Variants in MAGI1 observed in about 807,000 individuals in gnomAD.
The protein encoded by MAGI1 is membrane associated guanylate kinase, WW and PDZ domain containing 1, also known as membrane-associated guanylate kinase, WW and PDZ domain-containing protein 1.
In MAGI1, 58 loss-of-function variants were observed where a neutral mutation model predicts 139.9. The ratio of observed to expected loss-of-function variants is 0.41; its 90% confidence interval spans 0.34 to 0.52. The LOEUF (loss-of-function observed/expected upper bound fraction) is 0.52, where lower values mean the gene tolerates loss of function less well. Among genes scored for constraint, MAGI1 ranks in the 20% least tolerant of loss-of-function variants. The probability of loss-of-function intolerance (pLI) is 0.12; values close to 1 mark genes in which losing one functional copy is unlikely to be tolerated. For synonymous variants in MAGI1, 812 were observed against 737.9 expected, an observed-to-expected ratio of 1.10 and a Z score of -1.63; for missense variants, 1,874 against 1,901.6, an observed-to-expected ratio of 0.99 and a Z score of 0.27.
At chr3:65,573,130 T>A (rs553407367) in intron 2 of MAGI1, among the ~76,000 whole-genome samples, 1 of 152,220 alleles carries the variant, frequency 6.6e-6, no homozygotes, top group Non-Finnish European at 1.5e-5. Flanking sequence ...CACAAAACTA[T>A]AAACATATAG....
chr3:65,844,091 G>A, intron 1 of MAGI1: 1 of 498,500 alleles, frequency 2.0e-6, no homozygotes. Flanking sequence ...CAGTGGAGTT[G>A]GTAGGTGTGT....
Position 65,742,201 on chromosome 3 carries a change from C to A in MAGI1, c.314-120113G>T, listed in dbSNP as rs561323845. On this transcript the variant is annotated intron_variant, in intron 1 of 22. Transcript: ENST00000402939. ...TGTTGCATATCAATAACAAAAACAACAGCAACAGCAGGCCTTACTTTGGAG... is the reference window on the plus strand; with the variant it reads ...TGTTGCATATCAATAACAAAAACAAAAGCAACAGCAGGCCTTACTTTGGAG... 3.3e-5 allele frequency among the ~76,000 whole-genome samples: 5 copies of A among 152,276 alleles called. No homozygotes were observed. The East Asian group carries it at 9.6e-4, about 29-fold the overall frequency.
intron 1 of MAGI1, among the ~76,000 whole-genome samples, chr3:65,668,569 T>TC (rs2086666458): frequency 7.1e-6 from 1 of 140,236 alleles, no homozygotes; most frequent in African/African-American, 2.7e-5. Flanking sequence ...TTTCTTTTTT[T>TC]TTTTTTTTTT....
At chr3:65,926,643 C>G (rs979788448) in intron 1 of MAGI1, among the ~76,000 whole-genome samples, 1 of 152,174 alleles carries the variant, frequency 6.6e-6, no homozygotes, top group Non-Finnish European at 1.5e-5. Context: ...CACTGCTACA[C>G]TCCCACCAGT....
intron 1 of MAGI1, among the ~76,000 whole-genome samples, chr3:65,715,195 A>C (rs1241458132): frequency 2.0e-5 from 3 of 152,224 alleles, no homozygotes; most frequent in Non-Finnish European, 4.4e-5. Flanking sequence ...CATTTTCTCA[A>C]GGGTATATCA....
chr3:65,758,192 T>C (rs1164298572), intron 1 of MAGI1, among the ~76,000 whole-genome samples: 2 of 152,100 alleles, frequency 1.3e-5, no homozygotes, highest in Admixed American at 6.5e-5. Flanking sequence ...AAAGACCCCC[T>C]AGAATGGAGC....
chr3:65,651,040 T>C (rs1250931235), intron 1 of MAGI1, among the ~76,000 whole-genome samples: 7 of 152,148 alleles, frequency 4.6e-5, no homozygotes, highest in Admixed American at 2.0e-4. Context: ...GGTGAAGGGA[T>C]TGTAACTCCC....
intron 3 of MAGI1, among the ~76,000 whole-genome samples, chr3:65,479,088 T>G (rs1951080526): frequency 6.6e-6 from 1 of 152,180 alleles, no homozygotes; most frequent in Non-Finnish European, 1.5e-5. Flanking sequence ...CTCATTACAT[T>G]TGAATATCAA....
At chr3:65,752,521 G>A (rs1007270982) in intron 1 of MAGI1, among the ~76,000 whole-genome samples, 1 of 152,146 alleles carries the variant, frequency 6.6e-6, no homozygotes, top group East Asian at 1.9e-4. Context: ...AAATAATCTT[G>A]TAAAATTACA....
intron 1 of MAGI1, among the ~76,000 whole-genome samples, chr3:65,904,748 G>T (rs1413379457): frequency 6.6e-6 from 1 of 152,188 alleles, no homozygotes; most frequent in Admixed American, 6.5e-5. Context: ...ATTGTTTACA[G>T]CCTGCCTCCC....
intron 1 of MAGI1, among the ~76,000 whole-genome samples, chr3:65,795,727 GGA>G (rs67313047): frequency 1.6e-5 from 1 of 64,360 alleles, no homozygotes. Context: ...ACACACACAC[GGA>G]GAGAGAGAGA....
chr3:65,770,007 C>A (rs535511248), intron 1 of MAGI1, among the ~76,000 whole-genome samples: 184 of 152,282 alleles, frequency 1.2e-3, no homozygotes, highest in Non-Finnish European at 2.1e-3. Flanking sequence ...AGGAGATTTA[C>A]GTGCCATCTG....
chr3:65,706,575 CAGA>C (rs1169670110), intron 1 of MAGI1, among the ~76,000 whole-genome samples: 2 of 152,060 alleles, frequency 1.3e-5, no homozygotes, highest in African/African-American at 4.8e-5. Flanking sequence ...CAAATAAGGA[CAGA>C]AGAAGGCTTG....
At chr3:65,719,847 C>T (rs1350486430) in intron 1 of MAGI1, 1 of 152,144 alleles carries the variant, frequency 6.6e-6, no homozygotes, top group Non-Finnish European at 1.5e-5. Flanking sequence ...GCACCTGGCC[C>T]ATCTACTCAA....
intron 14 of MAGI1, chr3:65,387,339 G>T (rs1490111451): frequency 4.2e-6 from 3 of 707,494 alleles, no homozygotes; most frequent in African/African-American, 3.6e-5. Flanking sequence ...CACAATAAAG[G>T]TCATGGCTGT....
In MAGI1 at chr3:65,430,874, G is replaced by A; in HGVS notation, c.1371C>T (p.Pro457=). Residue 457 remains proline (P), a synonymous_variant, in exon 11 of 23, where the codon CCC becomes CCT. Coordinates refer to ENST00000402939, the MANE Select transcript of MAGI1 (RefSeq NM_001033057.2). ...ACTCAGAAGGGTTTCGTGTAAAAAA[G>A]GGTTTGCCTGGATTAAAATAAGAAA... ...PAREVPLQGK[P]FFTRNPSELK... The A allele has an allele frequency of 6.2e-7, 1 of 1,612,824 alleles. No homozygotes were observed. Among genetic ancestry groups the A allele is most frequent in the Non-Finnish European group, 8.5e-7 (1 of 1,179,504 alleles).
intron 1 of MAGI1, among the ~76,000 whole-genome samples, chr3:65,822,730 G>A (rs979617751): frequency 2.0e-5 from 3 of 152,122 alleles, no homozygotes; most frequent in Non-Finnish European, 4.4e-5. Context: ...ATCTTACAAT[G>A]GCAGGAGTAT....
intron 13 of MAGI1, among the ~76,000 whole-genome samples, chr3:65,397,711 T>C (rs1261639712): frequency 6.6e-6 from 1 of 152,186 alleles, no homozygotes; most frequent in East Asian, 1.9e-4. Flanking sequence ...GGTGTTGGCA[T>C]TTTATGATGA....
intron 12 of MAGI1, among the ~76,000 whole-genome samples, chr3:65,409,479 T>C (rs1945611441): frequency 6.6e-6 from 1 of 152,200 alleles, no homozygotes; most frequent in South Asian, 2.1e-4. Flanking sequence ...TTCTTGTTGT[T>C]GTTTTGTTTT....
Sources: allele counts gnomAD v4.1 joint callset (sites outside exome capture counted in the v4.1 genomes callset), GRCh38; gene constraint gnomAD v4.1.1; transcripts MANE v1.5; gene names NCBI Gene and HGNC (gene_info 2026-07-23, HGNC 2026-07-21).